NAV3: variants seen among roughly 807,000 people sequenced by gnomAD.
NAV3 encodes pore membrane and/or filament interacting like protein 1.
NAV3 carries 87 observed loss-of-function variants against 244.7 expected under a neutral mutation model. That is an observed-to-expected ratio of 0.36 (90% CI 0.30 to 0.42). The LOEUF (loss-of-function observed/expected upper bound fraction) is 0.42, where lower values mean the gene tolerates loss of function less well. Among genes scored for constraint, NAV3 ranks in the 20% least tolerant of loss-of-function variants. The probability of loss-of-function intolerance (pLI) is 1.00; values close to 1 mark genes in which losing one functional copy is unlikely to be tolerated. For missense variants in NAV3, 2,663 were observed against 2,893.3 expected (o/e 0.92, Z 1.83); for synonymous variants, 1,126 against 1,042.2 (o/e 1.08, Z -1.55).
At chr12:77,816,841 C>G (rs1252120548) in intron 2 of NAV3, among the ~76,000 whole-genome samples, 2 of 152,162 alleles carry the variant, frequency 1.3e-5, no homozygotes, top group African/African-American at 4.8e-5. Context: ...TAGCTCAATT[C>G]TAAACATCCT....
intron 2 of NAV3, among the ~76,000 whole-genome samples, chr12:77,610,840 A>G (rs545264943): frequency 1.1e-4 from 16 of 152,116 alleles, no homozygotes; most frequent in African/African-American, 3.4e-4. Flanking sequence ...GCAAAGAGAT[A>G]TTTTAAGAGT....
At chr12:78,120,092 C>T (rs1192529444) in intron 15 of NAV3, 147 bp downstream of exon 15, 2 of 440,748 alleles carry the variant, frequency 4.5e-6, no homozygotes, top group Admixed American at 4.5e-5. Context: ...ACACAGTGAG[C>T]TCTATGAAGC....
chr12:77,658,477 G>T (rs1873241516), intron 2 of NAV3, among the ~76,000 whole-genome samples: 2 of 148,348 alleles, frequency 1.3e-5, no homozygotes, highest in Non-Finnish European at 3.0e-5. Flanking sequence ...ACAAATGGAA[G>T]AACATTCCAT....
intron 20 of NAV3, chr12:78,144,944 A>AAAAAG (rs1956800677): frequency 6.8e-5 from 5 of 73,992 alleles, no homozygotes; most frequent in Non-Finnish European, 2.6e-5. Context: ...AAAAAAAAAA[A>AAAAAG]AAAGAAAGAA....
rs1451696262 is a variant in NAV3 at position 78,119,952 on chromosome 12, A to G, written c.3749+7A>G. 1.3e-6 allele frequency: 2 copies of G among 1,597,346 alleles called. No individual in the cohort carries two copies. The highest frequency in any genetic ancestry group is 1.4e-5 in the African/African-American group (1 of 73,866). On this transcript the variant is annotated splice_region_variant and intron_variant, in intron 15 of 39. Transcript: ENST00000397909. ...CCTCACCCACATTTCGAAGGTAAGG[A>G]TGTATAAAATGATGCTGGAAAAATA...
intron 9 of NAV3, among the ~76,000 whole-genome samples, chr12:78,026,803 C>T (rs73348614): frequency 0.043 from 6,535 of 152,018 alleles, 461 homozygotes; most frequent in African/African-American, 0.15. Flanking sequence ...ATTCAATAAA[C>T]GCATGTAAAA....
intron 12 of NAV3, among the ~76,000 whole-genome samples, chr12:78,099,044 A>T (rs537079900): frequency 6.6e-6 from 1 of 151,342 alleles, no homozygotes; most frequent in Admixed American, 6.6e-5. Flanking sequence ...TTGCATCTGC[A>T]GTGTTTCAAA....
At chr12:78,076,070 C>T (rs1431185741) in intron 12 of NAV3, among the ~76,000 whole-genome samples, 3 of 152,166 alleles carry the variant, frequency 2.0e-5, no homozygotes, top group African/African-American at 4.8e-5. Context: ...TCTACTCTCT[C>T]CCTTCTTGTT....
intron 23 of NAV3, among the ~76,000 whole-genome samples, chr12:78,167,425 T>C (rs1464732669): frequency 1.3e-5 from 2 of 151,664 alleles, no homozygotes; most frequent in Non-Finnish European, 3.0e-5. Flanking sequence ...GACTGTTCTC[T>C]ATCAGGAAAA....
intron 2 of NAV3, among the ~76,000 whole-genome samples, chr12:77,702,155 C>T (rs1169761479): frequency 1.3e-5 from 2 of 151,938 alleles, no homozygotes; most frequent in African/African-American, 2.4e-5. Flanking sequence ...AGTGCATACA[C>T]ACGTGGGATT....
intron 23 of NAV3, 67 bp from the exon 24 acceptor site, chr12:78,168,688 A>G (rs1957880061): frequency 1.9e-6 from 2 of 1,031,816 alleles, no homozygotes; most frequent in South Asian, 1.6e-5. Context: ...TTTTAATTCA[A>G]CTATGAGCAG....
chr12:78,162,758 A>G (rs1393960827), intron 23 of NAV3, among the ~76,000 whole-genome samples: 2 of 150,688 alleles, frequency 1.3e-5, no homozygotes, highest in Admixed American at 6.7e-5. Context: ...GCTATTCAGG[A>G]GGTTGAGGCA....
intron 5 of NAV3, 117 bp downstream of exon 5, chr12:77,968,819 T>A: frequency 1.0e-6 from 1 of 966,048 alleles, no homozygotes; most frequent in African/African-American, 1.7e-5. Context: ...ATCAGTGTGA[T>A]GGGATTATTT....
intron 3 of NAV3, among the ~76,000 whole-genome samples, chr12:77,952,471 C>T (rs1890992134): frequency 6.6e-6 from 1 of 151,958 alleles, no homozygotes; most frequent in Non-Finnish European, 1.5e-5. Flanking sequence ...ATTTTTTCAC[C>T]AACCCCACAC....
chr12:77,632,074 G>A (rs1165443870), intron 2 of NAV3, among the ~76,000 whole-genome samples: 1 of 135,332 alleles, frequency 7.4e-6, no homozygotes, highest in African/African-American at 3.3e-5. Flanking sequence ...TTGAGTTGAG[G>A]TGGGTTCATA....
chr12:77,625,349 T>G (rs540224223), intron 2 of NAV3, among the ~76,000 whole-genome samples: 1 of 152,304 alleles, frequency 6.6e-6, no homozygotes, highest in Non-Finnish European at 1.5e-5. Context: ...ATTTAATAAC[T>G]AATTGCTTTT....
intron 11 of NAV3, chr12:78,052,342 G>A (rs1309199744): frequency 6.6e-6 from 1 of 152,146 alleles, no homozygotes; most frequent in Non-Finnish European, 1.5e-5. Context: ...GAATTATAGA[G>A]ACTAATTATG....
At chr12:77,980,728 G>T (rs781052433) in intron 5 of NAV3, among the ~76,000 whole-genome samples, 3 of 152,134 alleles carry the variant, frequency 2.0e-5, no homozygotes, top group African/African-American at 7.2e-5. Flanking sequence ...CCACAGAACA[G>T]CATTGTAGCG....
rs534784615 is a variant in NAV3, at chr12:77,758,389, G to A, written c.73-181930G>A. ...ACCTACAATGTTAGTTGGCCCTTAA[G>A]TGGGTGGTTAATAAATGATAAGTAA... On this transcript the variant is annotated intron_variant, in intron 2 of 8. Transcript: ENST00000550042. Among the ~76,000 whole-genome samples the A allele has an allele frequency of 2.6e-5, 4 of 152,220 alleles. No individual in the cohort carries two copies. The East Asian group carries it at 5.8e-4, about 22-fold the overall frequency.
Sources: allele counts gnomAD v4.1 joint callset (sites outside exome capture counted in the v4.1 genomes callset), GRCh38; gene constraint gnomAD v4.1.1; transcripts MANE v1.5; gene names NCBI Gene and HGNC (gene_info 2026-07-23, HGNC 2026-07-21).